FBRSL1: variants seen among roughly 807,000 people sequenced by gnomAD.
The protein encoded by FBRSL1 is fibrosin-1-like protein.
Under a neutral mutation model 89.6 loss-of-function variants are expected in FBRSL1, and 51 were observed. The ratio of observed to expected loss-of-function variants is 0.57; its 90% CI spans 0.45 to 0.72. FBRSL1 has a LOEUF of 0.72. Among genes scored for constraint, FBRSL1 ranks in the 30% least tolerant of loss-of-function variants. The pLI, the probability that FBRSL1 is intolerant of heterozygous loss-of-function variation, is 0.00. For synonymous variants in FBRSL1, 779 were observed against 681.1 expected, an observed-to-expected ratio of 1.14 and a Z score of -2.24; for missense variants, 1,618 against 1,451.8, an observed-to-expected ratio of 1.11 and a Z score of -1.86.
intron 10 of FBRSL1, 83 bp downstream of exon 10, chr12:132,572,427 C>T: frequency 6.6e-7 from 1 of 1,513,342 alleles, no homozygotes. Flanking sequence ...TGCCCCTCGC[C>T]TGGCCTCGCC....
intron 4 of FBRSL1, among the ~76,000 whole-genome samples, chr12:132,529,764 T>TCTTCTCTGCCACCCTGGGCC (rs1490797643): frequency 2.6e-5 from 4 of 152,056 alleles, no homozygotes; most frequent in Admixed American, 2.0e-4. Flanking sequence ...CACCCTGGGC[T>TCTTCTCTGCCACCCTGGGCC]CAGCTCTGCC....
At chr12:132,558,711 AC>A (rs2038872869) in intron 5 of FBRSL1, among the ~76,000 whole-genome samples, 1 of 152,162 alleles carries the variant, frequency 6.6e-6, no homozygotes, top group Non-Finnish European at 1.5e-5. Context: ...GCTCCATCGA[AC>A]CCGTGTGGGA....
rs1000909718 is a variant in FBRSL1, at chr12:132,570,657, C to T, written c.1213+117C>T. ...CCTGCTGTGGTCTCTGCGGACCCTG[C>T]GCGCCTCTCTGAGTGGTTCCCCCAG... On this transcript the variant is annotated intron_variant, in intron 8 of 18. Transcript: ENST00000680143. 15 of 940,784 alleles carry T rather than the reference C, an allele frequency of 1.6e-5. No individual in the cohort carries two copies. In the East Asian group the frequency reaches 2.9e-4, roughly 18 times the overall value. The allele number at this position is 940,784 out of a possible 1,614,324, so 58.3% of individuals were successfully genotyped here.
rs565710235 is a variant in FBRSL1 at position 132,515,430 on chromosome 12, T to G, written c.489+7080T>G. On this transcript the variant is annotated intron_variant, in intron 2 of 18. Transcript: ENST00000680143. The stretch of plus-strand genomic sequence containing the variant: ...AAAATAAGGAATACTACGTCAAAAT[T>G]TATGGGATGCAGCTAAAGCAATCCT... Among the ~76,000 whole-genome samples the G allele has an allele frequency of 2.6e-4, 39 of 152,070 alleles. No individual in the cohort carries two copies. The South Asian group carries it at 7.1e-3, about 28-fold the overall frequency.
At chr12:132,547,444 C>T (rs138136454) in intron 4 of FBRSL1, among the ~76,000 whole-genome samples, 3 of 152,234 alleles carry the variant, frequency 2.0e-5, no homozygotes, top group South Asian at 2.1e-4. Flanking sequence ...CCTGAGCGGC[C>T]GTGGCCCTCC....
intron 4 of FBRSL1, among the ~76,000 whole-genome samples, chr12:132,537,006 G>T (rs557371350): frequency 7.2e-5 from 11 of 152,212 alleles, no homozygotes; most frequent in Non-Finnish European, 1.5e-4. Flanking sequence ...GGGGTCTTCA[G>T]GCTGACGTGG....
rs1412752684 is a variant in FBRSL1 at position 132,490,409 on chromosome 12, G to A, written c.-162G>A. 3.1e-6 allele frequency: 1 copy of A among 319,792 alleles called. No homozygotes were observed. The allele number at this position is 319,792 out of a possible 1,614,324, so 19.8% of individuals were successfully genotyped here. A position where few individuals can be genotyped will look rare whatever the true frequency, so the allele number is the denominator to read the frequency against. On this transcript the variant is annotated 5_prime_UTR_variant, in exon 1 of 19. Transcript: ENST00000680143. Reference sequence around the variant, plus strand: ...GGCCCGGGGCTGAGCCGCCCCCCGCGCCCGGCATGCCCGGCCCGGCCCGCC... The same window carrying A: ...GGCCCGGGGCTGAGCCGCCCCCCGCACCCGGCATGCCCGGCCCGGCCCGCC...
At position 132,570,044 on chromosome 12, in the gene FBRSL1, T is replaced by C. The variant is rs1454743692; in HGVS notation, c.810T>C (p.His270=). ...TGCCCACTGCCAGCCCCGCGCCCCA[T>C]GCCGCGCCCTGCCCGGGGCCCCCGC... ...SFLPTASPAP[H]AAPCPGPPPG... Residue 270 remains histidine (H), a synonymous_variant, in exon 7 of 19, where the codon CAT becomes CAC. Transcript: ENST00000680143. 1.3e-6 allele frequency: 2 copies of C among 1,504,762 alleles called. No homozygotes were observed. The highest frequency in any genetic ancestry group is 1.4e-5 in the African/African-American group (1 of 69,442). The allele number at this position is 1,504,762 out of a possible 1,614,324, so 93.2% of individuals were successfully genotyped here.
intron 2 of FBRSL1, among the ~76,000 whole-genome samples, chr12:132,513,959 C>T (rs777831655): frequency 9.9e-5 from 15 of 152,140 alleles, no homozygotes; most frequent in Non-Finnish European, 1.6e-4. Flanking sequence ...TGCAGACCCT[C>T]GTCCGAGGGC....
intron 2 of FBRSL1, among the ~76,000 whole-genome samples, chr12:132,513,736 C>T (rs551253940): frequency 4.5e-4 from 69 of 152,002 alleles, no homozygotes; most frequent in Non-Finnish European, 8.8e-4. Flanking sequence ...AAGGGGAGGT[C>T]GGGGTGGATT....
intron 2 of FBRSL1, among the ~76,000 whole-genome samples, chr12:132,525,169 G>T (rs965334477): frequency 6.6e-6 from 1 of 152,238 alleles, no homozygotes; most frequent in African/African-American, 2.4e-5. Flanking sequence ...CCATGGCCAG[G>T]GTCAGGCAGG....
intron 4 of FBRSL1, among the ~76,000 whole-genome samples, chr12:132,534,276 G>T (rs928057143): frequency 2.6e-5 from 4 of 152,240 alleles, no homozygotes; most frequent in Non-Finnish European, 4.4e-5. Context: ...CACGTGCGTT[G>T]TCGGGCCCCA....
Position 132,511,146 on chromosome 12 carries a change from C to G in FBRSL1, c.489+2796C>G, listed in dbSNP as rs955079179. On this transcript the variant is annotated intron_variant, in intron 2 of 18. Coordinates refer to ENST00000680143, the MANE Select transcript of FBRSL1 (RefSeq NM_001367871.1). ...CCCAAGCTACAGGGGGCACATGGGC[C>G]CATCTGGTGGGTCAGGACCTGCAGG... 6 of 985,388 alleles carry G rather than the reference C, an allele frequency of 6.1e-6. No homozygotes were observed. In the African/African-American group the frequency reaches 1.0e-4, roughly 17 times the overall value. 61.0% of individuals were successfully genotyped at this position (985,388 alleles called of 1,614,324 possible).
intron 1 of FBRSL1, among the ~76,000 whole-genome samples, chr12:132,504,321 A>C (rs1244944584): frequency 6.6e-6 from 1 of 152,174 alleles, no homozygotes; most frequent in Non-Finnish European, 1.5e-5. Context: ...GTGATTAGGA[A>C]TGTTATTGGT....
chr12:132,514,735 C>T (rs2136707556), intron 2 of FBRSL1, among the ~76,000 whole-genome samples: 1 of 152,302 alleles, frequency 6.6e-6, no homozygotes, highest in East Asian at 1.9e-4. Flanking sequence ...GCTTCTCATC[C>T]AGCAGGGGTG....
intron 5 of FBRSL1, among the ~76,000 whole-genome samples, chr12:132,561,408 TAG>T (rs1200172666): frequency 6.6e-6 from 1 of 151,708 alleles, no homozygotes; most frequent in Non-Finnish European, 1.5e-5. Flanking sequence ...CGGAACCCAC[TAG>T]AGTGTTTGGG....
At chr12:132,502,862 C>G (rs2033187340) in intron 1 of FBRSL1, among the ~76,000 whole-genome samples, 1 of 140,256 alleles carries the variant, frequency 7.1e-6, no homozygotes, top group Non-Finnish European at 1.6e-5. Flanking sequence ...CCCTCCTGTT[C>G]TCACCCTCTC....
intron 1 of FBRSL1, among the ~76,000 whole-genome samples, chr12:132,503,747 G>A (rs567881323): frequency 1.3e-5 from 2 of 152,364 alleles, no homozygotes; most frequent in African/African-American, 4.8e-5. Flanking sequence ...CAGGTGCTCT[G>A]CAGGGAGAGC....
rs1162742128 is a variant in FBRSL1, at chr12:132,490,254, C to T, written c.-317C>T. ...GCCTGCCGCGCCCGCCCGGCCCCGC[C>T]CGCTCGGCCCGATCGCCGCGCCGCG... On this transcript the variant is annotated 5_prime_UTR_variant, in exon 1 of 19. Transcript: ENST00000680143. 2.1e-5 allele frequency: 3 copies of T among 144,760 alleles called. No individual in the cohort carries two copies. The highest frequency in any genetic ancestry group is 3.1e-5 in the Non-Finnish European group (2 of 65,110). 9.0% of individuals were successfully genotyped at this position (144,760 alleles called of 1,614,324 possible).
Sources: gnomAD v4.1 joint callset for allele counts (sites outside exome capture counted in the v4.1 genomes callset) on GRCh38, gnomAD v4.1.1 for gene constraint, MANE v1.5 for transcripts, NCBI Gene and HGNC (gene_info 2026-07-23, HGNC 2026-07-21) for gene names.